Variants in ADAMTSL1 observed in about 807,000 individuals in gnomAD.
ADAMTSL1 encodes the protein ADAMTS like 1, also known as ADAMTS-like protein 1.
ADAMTSL1 carries 126 observed loss-of-function variants against 201.8 expected under a neutral mutation model. The ratio of observed to expected loss-of-function variants is 0.62; its 90% confidence interval spans 0.54 to 0.72. The LOEUF (loss-of-function observed/expected upper bound fraction) is 0.72, where lower values mean the gene tolerates loss of function less well. ADAMTSL1 is among the 30% of genes least tolerant of loss of function. The pLI is 0.00. For synonymous variants in ADAMTSL1, 1,121 were observed against 903.4 expected, an observed-to-expected ratio of 1.24 and a Z score of -4.32; for missense variants, 2,679 against 2,277.8, an observed-to-expected ratio of 1.18 and a Z score of -3.59.
At chr9:18,709,871 C>T (rs1388188566) in intron 14 of ADAMTSL1, among the ~76,000 whole-genome samples, 2 of 152,142 alleles carry the variant, frequency 1.3e-5, no homozygotes, top group Non-Finnish European at 2.9e-5. Flanking sequence ...AAGATGAAGC[C>T]TTGTACCTGT....
chr9:18,728,688 G>A (rs1243799382), intron 15 of ADAMTSL1, among the ~76,000 whole-genome samples: 1 of 152,200 alleles, frequency 6.6e-6, no homozygotes, highest in Admixed American at 6.5e-5. Context: ...TGAATGGTAA[G>A]GCCTAAGTAG....
At chr9:18,195,557 T>TA (rs1444489423) in intron 2 of ADAMTSL1, among the ~76,000 whole-genome samples, 1 of 152,280 alleles carries the variant, frequency 6.6e-6, no homozygotes, top group Middle Eastern at 3.4e-3. Flanking sequence ...AAAAGTTTTT[T>TA]AAAAATTATT....
chr9:18,726,690 A>G (rs992627638), intron 15 of ADAMTSL1, among the ~76,000 whole-genome samples: 1 of 152,162 alleles, frequency 6.6e-6, no homozygotes, highest in Non-Finnish European at 1.5e-5. Flanking sequence ...ACGTATGTGG[A>G]GGAGGAGAAT....
exon 1 of ADAMTSL1, chr9:17,906,796 G>A (rs561000945): frequency 3.3e-5 from 5 of 152,294 alleles, no homozygotes; most frequent in African/African-American, 9.6e-5. Context: ...CGAGGGAGGG[G>A]TCTCGCCTGA....
chr9:18,201,106 C>T (rs1353629508), intron 2 of ADAMTSL1, among the ~76,000 whole-genome samples: 1 of 151,962 alleles, frequency 6.6e-6, no homozygotes, highest in African/African-American at 2.4e-5. Context: ...TGTATTAAAA[C>T]TTAAGATGTC....
intron 2 of ADAMTSL1, among the ~76,000 whole-genome samples, chr9:18,433,473 A>G (rs1383983556): frequency 6.6e-6 from 1 of 152,146 alleles, no homozygotes; most frequent in Non-Finnish European, 1.5e-5. Flanking sequence ...TAATATTGCC[A>G]TTAAGAAAAA....
chr9:18,765,359 A>C (rs1326106339), intron 16 of ADAMTSL1, among the ~76,000 whole-genome samples: 2 of 152,208 alleles, frequency 1.3e-5, no homozygotes, highest in Non-Finnish European at 2.9e-5. Flanking sequence ...GAGGAATCTG[A>C]GTGTGAATTA....
At chr9:18,849,670 T>C (rs1826356075) in intron 23 of ADAMTSL1, among the ~76,000 whole-genome samples, 1 of 152,294 alleles carries the variant, frequency 6.6e-6, no homozygotes, top group East Asian at 1.9e-4. Context: ...GAAGGACTCA[T>C]GTCAAAGAGA....
At chr9:18,262,625 G>A (rs1831967513) in intron 2 of ADAMTSL1, among the ~76,000 whole-genome samples, 1 of 152,102 alleles carries the variant, frequency 6.6e-6, no homozygotes, top group African/African-American at 2.4e-5. Context: ...GGATGGTTTG[G>A]TATAATTCAG....
At chr9:18,337,957 G>A (rs563388488) in intron 2 of ADAMTSL1, among the ~76,000 whole-genome samples, 24 of 152,252 alleles carry the variant, frequency 1.6e-4, no homozygotes, top group Non-Finnish European at 3.1e-4. Flanking sequence ...TGGCGTGGGG[G>A]TGGTCAAGCC....
At chr9:18,795,621 G>C in intron 20 of ADAMTSL1, 97 bp downstream of exon 20, 2 of 1,302,322 alleles carry the variant, frequency 1.5e-6, no homozygotes, top group Non-Finnish European at 2.1e-6. Flanking sequence ...AGATAAAGGA[G>C]ACCCAGATCC....
intron 1 of ADAMTSL1, 69 bp downstream of exon 1, chr9:18,474,364 T>A: frequency 6.7e-7 from 1 of 1,483,526 alleles, no homozygotes; most frequent in African/African-American, 1.4e-5. Context: ...GGTGTGTGTG[T>A]GTATGTGTGT....
chr9:17,988,171 G>A (rs116731238), intron 1 of ADAMTSL1, among the ~76,000 whole-genome samples: 254 of 152,074 alleles, frequency 1.7e-3, no homozygotes, highest in African/African-American at 5.7e-3. Flanking sequence ...AGTAAGTGAC[G>A]CTTTATTGGC....
chr9:18,068,255 C>T (rs936077276), intron 1 of ADAMTSL1, among the ~76,000 whole-genome samples: 7 of 152,050 alleles, frequency 4.6e-5, no homozygotes, highest in Admixed American at 3.9e-4. Flanking sequence ...TTATACATCT[C>T]TGGATTCAAC....
chr9:18,639,090 G>A (rs1317622727), intron 6 of ADAMTSL1, among the ~76,000 whole-genome samples, 164 bp from the exon 7 acceptor site: 1 of 152,102 alleles, frequency 6.6e-6, no homozygotes, highest in Non-Finnish European at 1.5e-5. Context: ...ATGTGACTCA[G>A]CAGTGCCTGT....
At chr9:18,492,009 C>T (rs1378430987) in intron 1 of ADAMTSL1, among the ~76,000 whole-genome samples, 1 of 152,146 alleles carries the variant, frequency 6.6e-6, no homozygotes, top group African/African-American at 2.4e-5. Context: ...CTAGAGAATG[C>T]ATGGCTTGAT....
chr9:18,133,007 T>G (rs1415535629), intron 1 of ADAMTSL1, among the ~76,000 whole-genome samples: 2 of 152,122 alleles, frequency 1.3e-5, no homozygotes, highest in Non-Finnish European at 2.9e-5. Flanking sequence ...AGTGTTCAGA[T>G]TCTGTCCCAG....
intron 8 of ADAMTSL1, among the ~76,000 whole-genome samples, chr9:18,661,611 A>T (rs1295753416): frequency 1.3e-5 from 2 of 152,236 alleles, no homozygotes; most frequent in Non-Finnish European, 2.9e-5. Flanking sequence ...TTTTGGACAC[A>T]GAATTCTGCA....
intron 1 of ADAMTSL1, among the ~76,000 whole-genome samples, chr9:17,913,974 G>A (rs1825989126): frequency 6.6e-6 from 1 of 152,200 alleles, no homozygotes; most frequent in African/African-American, 2.4e-5. Flanking sequence ...AAACCAGGAA[G>A]AAGTTGAATC....
Sources: allele counts gnomAD v4.1 joint callset (sites outside exome capture counted in the v4.1 genomes callset), GRCh38; gene constraint gnomAD v4.1.1; transcripts MANE v1.5; gene names NCBI Gene and HGNC (gene_info 2026-07-23, HGNC 2026-07-21).